PDE4B: variants seen among roughly 807,000 people sequenced by gnomAD.
PDE4B encodes the protein 3',5'-cyclic-AMP phosphodiesterase 4B.
A neutral mutation model predicts 82.2 loss-of-function variants in PDE4B; 20 were observed. The ratio of observed to expected loss-of-function variants is 0.24; its 90% confidence interval spans 0.17 to 0.35. The LOEUF (loss-of-function observed/expected upper bound fraction) is 0.35. Among genes scored for constraint, PDE4B ranks in the 10% least tolerant of loss-of-function variants. The pLI is 1.00. For synonymous variants in PDE4B, 320 were observed against 318.9 expected (o/e 1.00, Z -0.04); for missense variants, 655 against 907.2 (o/e 0.72, Z 3.57).
At chr1:65,839,849 T>C (rs1015488613) in intron 1 of PDE4B, among the ~76,000 whole-genome samples, 1 of 152,202 alleles carries the variant, frequency 6.6e-6, no homozygotes, top group Admixed American at 6.5e-5. Flanking sequence ...ATCACCACAC[T>C]GTCTTCCACA....
intron 3 of PDE4B, among the ~76,000 whole-genome samples, chr1:66,035,521 CTCTCTACT>C (rs1473244047): frequency 2.6e-5 from 4 of 152,126 alleles, no homozygotes; most frequent in Non-Finnish European, 1.5e-5. Context: ...CACCATTCTC[CTCTCTACT>C]TCTATGAGTT....
At chr1:66,172,763 TCTC>T (rs1646861480) in intron 3 of PDE4B, among the ~76,000 whole-genome samples, 1 of 105,110 alleles carries the variant, frequency 9.5e-6, no homozygotes, top group African/African-American at 4.2e-5. Context: ...CCTTTTTTCA[TCTC>T]CTCATCTTCA....
At chr1:65,837,942 C>T (rs1034455672) in intron 1 of PDE4B, among the ~76,000 whole-genome samples, 1 of 152,134 alleles carries the variant, frequency 6.6e-6, no homozygotes, top group African/African-American at 2.4e-5. Context: ...CTATGTGTCC[C>T]TGTGTTCTCA....
intron 3 of PDE4B, among the ~76,000 whole-genome samples, chr1:66,169,604 A>G (rs1570389283): frequency 2.6e-5 from 4 of 152,224 alleles, no homozygotes; most frequent in African/African-American, 4.8e-5. Flanking sequence ...AACGAGTCAG[A>G]CAGGAGGTTG....
chr1:66,288,275 A>G (rs1465135847), intron 7 of PDE4B, among the ~76,000 whole-genome samples: 2 of 152,044 alleles, frequency 1.3e-5, no homozygotes, highest in African/African-American at 2.4e-5. Context: ...TCACTACCGC[A>G]AACACACCAC....
chr1:66,195,319 T>C (rs1033850918), intron 3 of PDE4B, among the ~76,000 whole-genome samples: 1 of 152,076 alleles, frequency 6.6e-6, no homozygotes, highest in African/African-American at 2.4e-5. Context: ...GAAAAATCAG[T>C]GGTATCTTTG....
chr1:66,081,995 T>G (rs1464133002), intron 3 of PDE4B, among the ~76,000 whole-genome samples: 4 of 152,080 alleles, frequency 2.6e-5, no homozygotes, highest in Non-Finnish European at 5.9e-5. Context: ...TGAAATACTC[T>G]TTAGATGGAC....
intron 3 of PDE4B, among the ~76,000 whole-genome samples, chr1:65,955,970 A>G (rs1376509916): frequency 1.3e-5 from 2 of 152,136 alleles, no homozygotes; most frequent in Admixed American, 6.6e-5. Flanking sequence ...ATATTAAGCA[A>G]TAAGTATGGA....
intron 3 of PDE4B, among the ~76,000 whole-genome samples, chr1:65,951,035 C>T (rs183191940): frequency 6.6e-6 from 1 of 152,166 alleles, no homozygotes; most frequent in African/African-American, 2.4e-5. Context: ...CCCAAATGCC[C>T]ATTCACTATG....
chr1:66,330,369 TC>T (rs1360612150), intron 7 of PDE4B, among the ~76,000 whole-genome samples: 3 of 91,990 alleles, frequency 3.3e-5, no homozygotes, highest in African/African-American at 8.4e-5. Context: ...CTTTGAAGAG[TC>T]CTTCTCTTTT....
intron 16 of PDE4B, among the ~76,000 whole-genome samples, chr1:66,369,695 T>C (rs1427978290): frequency 1.3e-5 from 2 of 152,232 alleles, no homozygotes; most frequent in African/African-American, 4.8e-5. Flanking sequence ...TCCAAGATCT[T>C]TATCCCAAAA....
chr1:65,803,730 A>G (rs1645722521), intron 1 of PDE4B, among the ~76,000 whole-genome samples: 1 of 152,218 alleles, frequency 6.6e-6, no homozygotes, highest in African/African-American at 2.4e-5. Context: ...GGAACTTCCA[A>G]TGCCATATCT....
intron 1 of PDE4B, among the ~76,000 whole-genome samples, chr1:65,794,940 T>C (rs1020287530): frequency 5.9e-5 from 9 of 152,208 alleles, no homozygotes; most frequent in African/African-American, 2.2e-4. Flanking sequence ...CTTGACATAT[T>C]TTGCAAAAAT....
intron 9 of PDE4B, among the ~76,000 whole-genome samples, chr1:66,358,778 A>AT (rs1284386009): frequency 1.3e-5 from 2 of 152,202 alleles, no homozygotes; most frequent in African/African-American, 2.4e-5. Flanking sequence ...GATCTTAGCA[A>AT]TTTACCTTAA....
intron 7 of PDE4B, among the ~76,000 whole-genome samples, chr1:66,268,338 A>G (rs891342678): frequency 2.0e-5 from 3 of 152,236 alleles, no homozygotes; most frequent in Admixed American, 6.5e-5. Flanking sequence ...TAACTGAAAT[A>G]TTAAATGGAT....
chr1:66,099,779 A>G (rs1252028390), intron 3 of PDE4B, among the ~76,000 whole-genome samples: 3 of 152,124 alleles, frequency 2.0e-5, no homozygotes, highest in Non-Finnish European at 4.4e-5. Context: ...CAAAAAATAA[A>G]CTGACAGAGA....
chr1:65,825,221 C>T (rs1463883974), intron 1 of PDE4B, among the ~76,000 whole-genome samples: 1 of 152,134 alleles, frequency 6.6e-6, no homozygotes, highest in East Asian at 1.9e-4. Context: ...CATTGCTCTT[C>T]CCCACCTCCC....
chr1:66,018,488 G>C (rs530193888), intron 3 of PDE4B, among the ~76,000 whole-genome samples: 77 of 152,190 alleles, frequency 5.1e-4, no homozygotes, highest in Middle Eastern at 3.4e-3. Flanking sequence ...AGTAGATTCT[G>C]CTTGAATAAA....
At chr1:66,093,607 T>C (rs1374729414) in intron 3 of PDE4B, among the ~76,000 whole-genome samples, 5 of 152,074 alleles carry the variant, frequency 3.3e-5, no homozygotes, top group African/African-American at 1.2e-4. Flanking sequence ...ATCCCAATCT[T>C]GCTTTCCTGA....
Sources: allele counts gnomAD v4.1 joint callset (sites outside exome capture counted in the v4.1 genomes callset), GRCh38; gene constraint gnomAD v4.1.1; transcripts MANE v1.5; gene names NCBI Gene and HGNC (gene_info 2026-07-23, HGNC 2026-07-21).